Variants in ERICH3 observed in about 807,000 individuals in gnomAD.
The protein encoded by ERICH3 is glutamate-rich protein 3.
A neutral mutation model predicts 131.1 loss-of-function variants in ERICH3; 126 were observed. The ratio of observed to expected loss-of-function variants is 0.96; its 90% CI spans 0.83 to 1.11. The LOEUF (loss-of-function observed/expected upper bound fraction) is 1.11, where lower values mean the gene tolerates loss of function less well. Among genes scored for constraint, ERICH3 ranks in the 50% most tolerant of loss-of-function variants. The pLI, the probability that ERICH3 is intolerant of heterozygous loss-of-function variation, is 0.00. For missense variants in ERICH3, 2,050 were observed against 1,810.7 expected (o/e 1.13, Z -2.40); for synonymous variants, 695 against 644.6 (o/e 1.08, Z -1.18).
At chr1:74,609,795 A>G (rs1026649062) in intron 9 of ERICH3, among the ~76,000 whole-genome samples, 1 of 152,148 alleles carries the variant, frequency 6.6e-6, no homozygotes, top group Non-Finnish European at 1.5e-5. Context: ...TGAGAGTCAT[A>G]GGCCTTATTC....
intron 3 of ERICH3, among the ~76,000 whole-genome samples, chr1:74,645,801 A>G (rs1435360188): frequency 1.3e-5 from 2 of 152,128 alleles, no homozygotes; most frequent in African/African-American, 4.8e-5. Flanking sequence ...TTAAGTGAAC[A>G]CTTCATCTAC....
intron 10 of ERICH3, among the ~76,000 whole-genome samples, chr1:74,605,865 T>C (rs1570856750): frequency 6.6e-6 from 1 of 151,912 alleles, no homozygotes; most frequent in African/African-American, 2.4e-5. Flanking sequence ...ATGATGCTGA[T>C]AGACTTTGGT....
intron 7 of ERICH3, chr1:74,623,317 T>G (rs1267740391): frequency 6.6e-6 from 1 of 152,208 alleles, no homozygotes; most frequent in Non-Finnish European, 1.5e-5. Context: ...CATTGAGTGG[T>G]TAACCCATCA....
intron 12 of ERICH3, among the ~76,000 whole-genome samples, chr1:74,589,076 A>G (rs569218906): frequency 1.3e-5 from 2 of 152,240 alleles, no homozygotes; most frequent in South Asian, 4.1e-4. Context: ...AATCTTTGGT[A>G]ACTTATTTAA....
In ERICH3 at chr1:74,649,295, C is replaced by CTAT; in HGVS notation, c.41_43dup (p.Asn14dup). 2 of 1,611,638 alleles carry CTAT rather than the reference C, an allele frequency of 1.2e-6. No homozygotes were observed. On this transcript the variant is annotated inframe_insertion, in exon 2 of 15. Transcript: ENST00000326665. ...CCCAGCCAGGTGTTTATCCATAAGG[C>CTAT]TATTATATGCAGCAAGTAACCTAAA... is the stretch of plus-strand genomic sequence containing the variant.
chr1:74,620,007 T>C (rs1291918764), intron 8 of ERICH3, among the ~76,000 whole-genome samples: 2 of 152,204 alleles, frequency 1.3e-5, no homozygotes, highest in African/African-American at 2.4e-5. Context: ...CCGTAACTCC[T>C]ACCAAGATTA....
rs1646952802 is a variant in ERICH3, at chr1:74,571,786, C to T, written c.3924G>A (p.Ala1308=). The T allele has an allele frequency of 1.7e-5, 27 of 1,613,986 alleles. No individual in the cohort carries two copies. Among genetic ancestry groups the T allele is most frequent in the Non-Finnish European group, 2.2e-5 (26 of 1,180,032 alleles). The change falls in exon 14 of 15, where the codon GCG becomes GCA. Residue 1308 remains alanine, a synonymous_variant. Coordinates refer to ENST00000326665, the MANE Select transcript of ERICH3 (RefSeq NM_001002912.5). ...CCCCTTCCGAGTTCCTGTCCTGCAT[C>T]GCTTCTGTCTCCAGAGTGCACTCTT... ...EDKECTLETE[A]MQDRNSEGDG...
intron 6 of ERICH3, among the ~76,000 whole-genome samples, chr1:74,636,025 C>T (rs995990115): frequency 3.3e-5 from 5 of 152,126 alleles, no homozygotes; most frequent in Admixed American, 3.3e-4. Context: ...TTCAATCAGC[C>T]TTGTAAACTA....
chr1:74,661,774 T>C (rs1412162760), intron 1 of ERICH3, among the ~76,000 whole-genome samples: 1 of 152,190 alleles, frequency 6.6e-6, no homozygotes, highest in African/African-American at 2.4e-5. Flanking sequence ...CCCCGTATTT[T>C]TGAAGGAAGA....
chr1:74,625,496 A>G (rs890857007), intron 7 of ERICH3: 1 of 152,146 alleles, frequency 6.6e-6, no homozygotes, highest in East Asian at 1.9e-4. Flanking sequence ...TCTAGGAGGC[A>G]TTCTCTAATC....
rs761236621 is a variant in ERICH3, at chr1:74,573,194, G to GC, written c.2515dup (p.Ala839GlyfsTer15). 4 of 1,612,786 alleles carry GC rather than the reference G, an allele frequency of 2.5e-6. No individual in the cohort carries two copies. The highest frequency in any genetic ancestry group is 1.1e-5 in the South Asian group (1 of 90,894). On this transcript the variant is annotated frameshift_variant, in exon 14 of 15. Transcript: ENST00000326665. LOFTEE classifies it high-confidence loss of function. ...CCCTTCTGCTTCTGCTGCTCCCTCT[G>GC]CCCCCCTTTCTATGCCTGGAGGGAT... is the stretch of plus-strand genomic sequence containing the variant.
intron 1 of ERICH3, among the ~76,000 whole-genome samples, chr1:74,667,213 C>T (rs1161813300): frequency 6.6e-6 from 1 of 151,948 alleles, no homozygotes; most frequent in African/African-American, 2.4e-5. Flanking sequence ...ATGAATCATA[C>T]ACATAATATA....
chr1:74,654,619 C>T (rs997970260), intron 1 of ERICH3, among the ~76,000 whole-genome samples: 1 of 152,084 alleles, frequency 6.6e-6, no homozygotes, highest in Non-Finnish European at 1.5e-5. Flanking sequence ...AGCAAGCTCT[C>T]TTGTGTCTCT....
chr1:74,584,773 C>A (rs967311984), intron 12 of ERICH3, among the ~76,000 whole-genome samples: 3 of 152,172 alleles, frequency 2.0e-5, no homozygotes, highest in African/African-American at 7.2e-5. Flanking sequence ...CTTATGTTCA[C>A]ATTGAGAACA....
At chr1:74,625,101 G>T (rs1361228439) in intron 7 of ERICH3, 1 of 152,042 alleles carries the variant, frequency 6.6e-6, no homozygotes, top group African/African-American at 2.4e-5. Context: ...TATTCTGGAT[G>T]GATCCCTGAC....
At position 74,572,135 on chromosome 1, in the gene ERICH3, T is replaced by C. The variant is rs1287839202; in HGVS notation, c.3575A>G (p.Asp1192Gly). ...LSEARDTEHK[D>G]REELSSRENR... ...CTCCCTGCTGGACAGCTCTTCTCTG[T>C]CTTTGTGCTCTGTGTCTCTGGCTTC... The change falls in exon 14 of 15, where the codon GAC (aspartate) becomes GGC (glycine). Residue 1192 changes from aspartate to glycine, a missense_variant. Physicochemically the swap from Asp to Gly is moderately conservative, Grantham distance 94. Coordinates refer to ENST00000326665, the MANE Select transcript of ERICH3 (RefSeq NM_001002912.5). 7.4e-6 allele frequency: 12 copies of C among 1,614,022 alleles called. No individual in the cohort carries two copies. The highest frequency in any genetic ancestry group is 1.7e-5 in the Admixed American group (1 of 59,992).
chr1:74,595,891 A>G (rs140482679), intron 11 of ERICH3, among the ~76,000 whole-genome samples: 2 of 152,222 alleles, frequency 1.3e-5, no homozygotes, highest in African/African-American at 4.8e-5. Context: ...CACATATTAT[A>G]TAGTCTTTGG....
Position 74,573,243 on chromosome 1 carries a change from C to T in ERICH3, c.2467G>A (p.Glu823Lys), listed in dbSNP as rs142960625. The T allele has an allele frequency of 1.3e-4, 208 of 1,601,768 alleles. No individual in the cohort carries two copies. The highest frequency in any genetic ancestry group is 1.7e-4 in the Non-Finnish European group (194 of 1,175,116). ...ATCTCCCTTTTTTCTGTAAACTCTT[C>T]TGCCAATTCTGGCTGCTCTGCTGTT... ...KPTAEQPELA[E>K]EFTEKREIPP... is the part of the protein sequence containing the mutation. The change falls in exon 14 of 15, where the codon GAA (glutamate) becomes AAA (lysine). Residue 823 changes from glutamate to lysine, a missense_variant. Transcript: ENST00000326665.
At chr1:74,618,549 A>G (rs1316019810) in intron 8 of ERICH3, among the ~76,000 whole-genome samples, 1 of 152,196 alleles carries the variant, frequency 6.6e-6, no homozygotes, top group African/African-American at 2.4e-5. Context: ...TGCACTTAAA[A>G]TGAACCCAGG....
Sources: allele counts gnomAD v4.1 joint callset (sites outside exome capture counted in the v4.1 genomes callset), GRCh38; gene constraint gnomAD v4.1.1; transcripts MANE v1.5; gene names NCBI Gene and HGNC (gene_info 2026-07-23, HGNC 2026-07-21).